Variants in KLHL32 observed in about 807,000 individuals in gnomAD.
KLHL32 encodes kelch-like protein 32.
Under a neutral mutation model 64.8 loss-of-function variants are expected in KLHL32, and 35 were observed. That is an observed-to-expected ratio of 0.54 (90% CI 0.41 to 0.72). KLHL32 has a LOEUF of 0.72. Among genes scored for constraint, KLHL32 ranks in the 30% least tolerant of loss-of-function variants. KLHL32 has a pLI of 0.00. For missense variants in KLHL32, 589 were observed against 768.5 expected (o/e 0.77, Z 2.76); for synonymous variants, 259 against 281.0 (o/e 0.92, Z 0.78).
At chr6:96,977,095 A>T (rs145790820) in intron 3 of KLHL32, among the ~76,000 whole-genome samples, 148 of 152,338 alleles carry the variant, frequency 9.7e-4, no homozygotes, top group Non-Finnish European at 1.7e-3. Context: ...AGTACATAAT[A>T]TAGTGATAGC....
intron 3 of KLHL32, among the ~76,000 whole-genome samples, chr6:97,033,405 A>G (rs1783858875): frequency 6.6e-6 from 1 of 151,960 alleles, no homozygotes; most frequent in Non-Finnish European, 1.5e-5. Context: ...TATGTCTCAC[A>G]TTTTCTTTAT....
chr6:96,965,930 C>T (rs1774406481), intron 1 of KLHL32, among the ~76,000 whole-genome samples: 2 of 151,870 alleles, frequency 1.3e-5, no homozygotes, highest in Admixed American at 6.6e-5. Flanking sequence ...AACTCAACAA[C>T]CTAATGTTCA....
chr6:96,899,040 A>C, the KLHL32 span, among the ~76,000 whole-genome samples: 3 of 152,238 alleles, frequency 2.0e-5, no homozygotes, highest in African/African-American at 7.2e-5. Flanking sequence ...GAAGAAAGGG[A>C]AAGTTTTTTA....
intron 4 of KLHL32, among the ~76,000 whole-genome samples, chr6:97,055,720 C>A (rs568564325): frequency 1.4e-5 from 2 of 145,596 alleles, no homozygotes; most frequent in East Asian, 4.1e-4. Flanking sequence ...ATTGCTTGAA[C>A]CTGGGAGGTG....
At position 97,114,443 on chromosome 6, in the gene KLHL32, C is replaced by T. The variant is rs1797603233; in HGVS notation, c.1288C>T (p.Gln430Ter). The T allele has an allele frequency of 1.2e-6, 2 of 1,614,186 alleles. No homozygotes were observed. The highest frequency in any genetic ancestry group is 1.7e-6 in the Non-Finnish European group (2 of 1,180,030). ...CAAGAAGAACAAATGGACTTTTGTT[C>T]AGTCCTTTGACAGATCCCTTTCATG... ...CPKKNKWTFV[Q>*]SFDRSLSCHA... The change falls in exon 7 of 11, where the codon CAG becomes TAG. Residue 430 changes from glutamine (Q) to a stop codon, truncating the protein, a stop_gained. Coordinates refer to ENST00000369261, the MANE Select transcript of KLHL32 (RefSeq NM_052904.4). LOFTEE classifies it high-confidence loss of function.
At chr6:97,016,380 A>G (rs1256037795) in intron 3 of KLHL32, among the ~76,000 whole-genome samples, 2 of 152,360 alleles carry the variant, frequency 1.3e-5, no homozygotes, top group South Asian at 2.1e-4. Flanking sequence ...GATGTGAGAC[A>G]TGGCGTCAAA....
intron 10 of KLHL32, among the ~76,000 whole-genome samples, chr6:97,138,184 A>AAAG (rs918934337): frequency 1.3e-5 from 2 of 152,228 alleles, no homozygotes; most frequent in Non-Finnish European, 2.9e-5. Flanking sequence ...TTCCTGCTTC[A>AAAG]AAGATTCAGC....
intron 5 of KLHL32, among the ~76,000 whole-genome samples, chr6:97,073,864 T>G (rs1791156567): frequency 1.3e-5 from 2 of 152,162 alleles, no homozygotes; most frequent in South Asian, 4.1e-4. Context: ...TGGAGACTTC[T>G]CTTCCCCTCT....
chr6:96,935,161 A>G (rs569478402), intron 1 of KLHL32, among the ~76,000 whole-genome samples: 1 of 152,304 alleles, frequency 6.6e-6, no homozygotes, highest in African/African-American at 2.4e-5. Flanking sequence ...AAGAGAATTC[A>G]TTTTGTGGTG....
intron 3 of KLHL32, among the ~76,000 whole-genome samples, chr6:97,000,220 G>T (rs1365712057): frequency 6.6e-6 from 1 of 152,130 alleles, no homozygotes; most frequent in Non-Finnish European, 1.5e-5. Flanking sequence ...TAGAGAGTTG[G>T]GAAAGGAAGG....
At chr6:97,029,769 CA>C (rs1274837010) in intron 3 of KLHL32, among the ~76,000 whole-genome samples, 1 of 152,160 alleles carries the variant, frequency 6.6e-6, no homozygotes, top group African/African-American at 2.4e-5. Flanking sequence ...ATTTACTACC[CA>C]TTCTATATGT....
At chr6:97,015,223 G>A (rs1342528424) in intron 3 of KLHL32, among the ~76,000 whole-genome samples, 1 of 152,148 alleles carries the variant, frequency 6.6e-6, no homozygotes, top group Non-Finnish European at 1.5e-5. Context: ...TGTGAGAATG[G>A]ACCAGTACAG....
At chr6:97,100,514 C>T (rs1224634248) in intron 6 of KLHL32, among the ~76,000 whole-genome samples, 1 of 152,238 alleles carries the variant, frequency 6.6e-6, no homozygotes, top group East Asian at 1.9e-4. Context: ...ATGCCAGTCT[C>T]TGTGCCCCAT....
intron 1 of KLHL32, among the ~76,000 whole-genome samples, chr6:96,962,367 A>G (rs1053838745): frequency 1.3e-5 from 2 of 152,158 alleles, no homozygotes; most frequent in Admixed American, 1.3e-4. Context: ...ATGGTAAATA[A>G]TTTCAATTAT....
At chr6:96,923,959 G>A (rs1768854208), upstream of KLHL32, among the ~76,000 whole-genome samples, 1 of 152,138 alleles carries the variant, frequency 6.6e-6, no homozygotes, top group African/African-American at 2.4e-5. Flanking sequence ...AGTGTGCCAG[G>A]CCCTGGAATT....
intron 4 of KLHL32, among the ~76,000 whole-genome samples, chr6:97,055,802 A>C (rs1330520036): frequency 8.0e-6 from 1 of 125,620 alleles, no homozygotes. Context: ...TGTCTAAAAA[A>C]AAAAAAAAAA....
intron 4 of KLHL32, among the ~76,000 whole-genome samples, chr6:97,058,505 T>G (rs751186272): frequency 2.4e-4 from 36 of 152,354 alleles, no homozygotes; most frequent in Non-Finnish European, 3.7e-4. Flanking sequence ...ATTTCCTCTT[T>G]TTTCTTTATA....
At chr6:97,126,032 T>C (rs1462125361) in intron 7 of KLHL32, among the ~76,000 whole-genome samples, 1 of 152,182 alleles carries the variant, frequency 6.6e-6, no homozygotes, top group Non-Finnish European at 1.5e-5. Flanking sequence ...AAGCAACCTA[T>C]TTAGTTTAGT....
At chr6:96,911,821 C>CTTTTTTTTT in the KLHL32 span, among the ~76,000 whole-genome samples, 3 of 53,512 alleles carry the variant, frequency 5.6e-5, no homozygotes, top group Admixed American at 4.2e-4. Context: ...CTGCTCGGTC[C>CTTTTTTTTT]TTCTTTTTTT....
Sources: allele counts gnomAD v4.1 joint callset (sites outside exome capture counted in the v4.1 genomes callset), GRCh38; gene constraint gnomAD v4.1.1; transcripts MANE v1.5; gene names NCBI Gene and HGNC (gene_info 2026-07-23, HGNC 2026-07-21).